Variants in REDIC1 observed in about 807,000 individuals in gnomAD.
REDIC1 encodes the protein HEI10 Interacting Protein 1.
the REDIC1 span, among the ~76,000 whole-genome samples, chr12:39,823,930 T>A: frequency 6.6e-6 from 1 of 152,218 alleles, no homozygotes; most frequent in Non-Finnish European, 1.5e-5. Flanking sequence ...AATTTTTTCC[T>A]AAGTTTCCTT....
chr12:39,905,625 G>A, the REDIC1 span, among the ~76,000 whole-genome samples: 2 of 151,996 alleles, frequency 1.3e-5, no homozygotes, highest in Non-Finnish European at 2.9e-5. Context: ...TGCAAATGCT[G>A]CTGATTTTAA....
At chr12:39,825,018 G>T in the REDIC1 span, among the ~76,000 whole-genome samples, 5 of 152,086 alleles carry the variant, frequency 3.3e-5, no homozygotes, top group Non-Finnish European at 7.4e-5. Flanking sequence ...GGGAAAACAG[G>T]CTGGGTGTTA....
the REDIC1 span, among the ~76,000 whole-genome samples, chr12:39,649,041 A>G: frequency 6.6e-6 from 1 of 151,890 alleles, no homozygotes; most frequent in Non-Finnish European, 1.5e-5. Flanking sequence ...AGATCAGCTT[A>G]TAACTCATCC....
chr12:39,772,727 C>T, the REDIC1 span, among the ~76,000 whole-genome samples: 13 of 152,126 alleles, frequency 8.5e-5, no homozygotes, highest in Non-Finnish European at 1.5e-4. Context: ...TTACTCTTTT[C>T]GTTATTATCA....
At chr12:39,700,255 G>T in the REDIC1 span, among the ~76,000 whole-genome samples, 1 of 152,184 alleles carries the variant, frequency 6.6e-6, no homozygotes, top group East Asian at 1.9e-4. Flanking sequence ...AGGAGCTGAT[G>T]GAGCTGAAAA....
At chr12:39,896,125 T>C in the REDIC1 span, among the ~76,000 whole-genome samples, 2 of 149,496 alleles carry the variant, frequency 1.3e-5, no homozygotes, top group African/African-American at 2.4e-5. Flanking sequence ...TGCATACATA[T>C]ATGTATACAC....
chr12:39,879,487 T>C, the REDIC1 span, among the ~76,000 whole-genome samples: 3 of 152,228 alleles, frequency 2.0e-5, no homozygotes, highest in Admixed American at 6.5e-5. Flanking sequence ...CTTGCATCAG[T>C]GTTCCCTGGA....
the REDIC1 span, among the ~76,000 whole-genome samples, chr12:39,700,788 T>C: frequency 6.6e-6 from 1 of 152,006 alleles, no homozygotes; most frequent in Non-Finnish European, 1.5e-5. Context: ...TATTCAACAT[T>C]CTTAAAGAAA....
At chr12:39,712,438 G>A in the REDIC1 span, among the ~76,000 whole-genome samples, 8 of 77,592 alleles carry the variant, frequency 1.0e-4, no homozygotes, top group Admixed American at 3.2e-4. Flanking sequence ...ATATACATAC[G>A]TATATGTATA....
the REDIC1 span, among the ~76,000 whole-genome samples, chr12:39,832,224 C>CT: frequency 6.6e-6 from 1 of 152,048 alleles, no homozygotes; most frequent in Non-Finnish European, 1.5e-5. Flanking sequence ...GCTTTGAGAA[C>CT]CAGACTAGGC....
At chr12:39,780,284 T>A in the REDIC1 span, among the ~76,000 whole-genome samples, 2 of 152,186 alleles carry the variant, frequency 1.3e-5, no homozygotes, top group Non-Finnish European at 2.9e-5. Context: ...TCTGTCTCTT[T>A]CTCCTTCAAC....
chr12:39,643,899 T>C, the REDIC1 span: 4 of 1,554,824 alleles, frequency 2.6e-6, no homozygotes, highest in Non-Finnish European at 3.5e-6. Flanking sequence ...TCAGATATCT[T>C]GCAAGAAGAA....
At chr12:39,813,079 A>AAGTGATCCACCTACCTCGGCCTCC in the REDIC1 span, among the ~76,000 whole-genome samples, 1 of 130,218 alleles carries the variant, frequency 7.7e-6, no homozygotes, top group Non-Finnish European at 1.6e-5. Flanking sequence ...TCCTGGCCTC[A>AAGTGATCCACCTACCTCGGCCTCC]AGTGATCCAC....
chr12:39,742,561 T>G, the REDIC1 span, among the ~76,000 whole-genome samples: 1 of 152,192 alleles, frequency 6.6e-6, no homozygotes, highest in African/African-American at 2.4e-5. Context: ...AGGGCTTCCC[T>G]GCCCGTGAAG....
chr12:39,880,344 T>G, the REDIC1 span, among the ~76,000 whole-genome samples: 7 of 152,356 alleles, frequency 4.6e-5, no homozygotes, highest in East Asian at 1.3e-3. Context: ...TCTTAAGAAC[T>G]ATTTTTAAAA....
the REDIC1 span, among the ~76,000 whole-genome samples, chr12:39,714,077 A>ATATATATGTACATG: frequency 4.0e-5 from 6 of 148,332 alleles, 1 homozygote; most frequent in Non-Finnish European, 7.5e-5. Flanking sequence ...ATATACGTGT[A>ATATATATGTACATG]TATACACATA....
chr12:39,753,364 A>T, the REDIC1 span, among the ~76,000 whole-genome samples: 1 of 152,190 alleles, frequency 6.6e-6, no homozygotes, highest in Non-Finnish European at 1.5e-5. Flanking sequence ...CATTGAAAAG[A>T]CTTTAAATGA....
chr12:39,870,559 G>T, the REDIC1 span, among the ~76,000 whole-genome samples: 1 of 152,060 alleles, frequency 6.6e-6, no homozygotes, highest in Non-Finnish European at 1.5e-5. Context: ...CTGTTCTCCA[G>T]GCTATATACC....
chr12:39,858,692 C>T, the REDIC1 span, among the ~76,000 whole-genome samples: 1 of 152,202 alleles, frequency 6.6e-6, no homozygotes, highest in South Asian at 2.1e-4. Flanking sequence ...CTGCAACCTC[C>T]GCCTCCCAGG....
Sources: gnomAD v4.1 joint callset for allele counts (sites outside exome capture counted in the v4.1 genomes callset) on GRCh38, gnomAD v4.1.1 for gene constraint, MANE v1.5 for transcripts, NCBI Gene and HGNC (gene_info 2026-07-23, HGNC 2026-07-21) for gene names.